Variants in VPS13A observed in about 807,000 individuals in gnomAD.
VPS13A encodes intermembrane lipid transfer protein VPS13A.
A neutral mutation model predicts 390.9 loss-of-function variants in VPS13A; 264 were observed. The observed-to-expected ratio is 0.68, with a 90% CI of 0.61 to 0.75. The LOEUF is 0.75. VPS13A is among the 30% of genes least tolerant of loss of function. VPS13A has a pLI of 0.00. For synonymous variants in VPS13A, 1,231 were observed against 1,227.1 expected, an observed-to-expected ratio of 1.00 and a Z score of -0.07; for missense variants, 3,409 against 3,733.9, an observed-to-expected ratio of 0.91 and a Z score of 2.27.
intron 31 of VPS13A, among the ~76,000 whole-genome samples, chr9:77,285,000 C>T (rs570527343): frequency 2.8e-4 from 42 of 152,002 alleles, no homozygotes; most frequent in Non-Finnish European, 5.9e-4. Flanking sequence ...CCACTGTGCC[C>T]GGCCTGTAAT....
chr9:77,249,725 C>T (rs1039002272), intron 20 of VPS13A, among the ~76,000 whole-genome samples: 1 of 152,164 alleles, frequency 6.6e-6, no homozygotes, highest in Non-Finnish European at 1.5e-5. Flanking sequence ...TCTTATTGTA[C>T]AGCCATGTCA....
intron 71 of VPS13A, among the ~76,000 whole-genome samples, chr9:77,415,672 GA>G (rs1835142916): frequency 6.6e-6 from 1 of 152,076 alleles, no homozygotes; most frequent in Non-Finnish European, 1.5e-5. Context: ...AGATTGGAAG[GA>G]ATTTTTTTCT....
At chr9:77,263,772 G>A (rs1374570233) in intron 23 of VPS13A, among the ~76,000 whole-genome samples, 1 of 152,052 alleles carries the variant, frequency 6.6e-6, no homozygotes, top group African/African-American at 2.4e-5. Context: ...TGTCAATTTT[G>A]GCTTTTGTTG....
At chr9:77,360,157 AT>A (rs1587656864) in intron 58 of VPS13A, among the ~76,000 whole-genome samples, 1 of 151,830 alleles carries the variant, frequency 6.6e-6, no homozygotes, top group Non-Finnish European at 1.5e-5. Context: ...TTTAGTTTTA[AT>A]TTTTTTCTAA....
At position 77,215,985 on chromosome 9, in the gene VPS13A, C is replaced by G. The variant is rs976922583; in HGVS notation, c.754+1599C>G. 3.9e-5 allele frequency among the ~76,000 whole-genome samples: 6 copies of G among 152,266 alleles called. No homozygotes were observed. In the South Asian group the frequency reaches 1.0e-3, roughly 26 times the overall value. On this transcript the variant is annotated intron_variant, in intron 10 of 71. Transcript: ENST00000360280. ...GCATAAGGCCGGTGCTGAAGAACTC[C>G]GTGCTGGAGGAACCAGACACTGCAG...
intron 1 of VPS13A, among the ~76,000 whole-genome samples, chr9:77,190,787 A>G (rs765220416): frequency 6.6e-6 from 1 of 152,136 alleles, no homozygotes; most frequent in Non-Finnish European, 1.5e-5. Flanking sequence ...AGTTTCTTCC[A>G]GGTTCAATCT....
intron 27 of VPS13A, among the ~76,000 whole-genome samples, chr9:77,281,378 A>G (rs1399096200): frequency 3.9e-5 from 6 of 152,204 alleles, no homozygotes; most frequent in Non-Finnish European, 5.9e-5. Context: ...TTGTGTACAT[A>G]TATCAAAACA....
chr9:77,307,821 G>GT, intron 34 of VPS13A, 124 bp from the exon 35 acceptor site: 1 of 773,344 alleles, frequency 1.3e-6, no homozygotes, highest in South Asian at 1.8e-5. Context: ...TTGTAAAAAT[G>GT]TTTAATTGGT....
intron 48 of VPS13A, 106 bp downstream of exon 48, chr9:77,340,017 T>A (rs1830730242): frequency 2.1e-6 from 3 of 1,454,194 alleles, no homozygotes; most frequent in Non-Finnish European, 2.8e-6. Flanking sequence ...AGAAATAACT[T>A]GTTAAATATT....
Position 77,356,741 on chromosome 9 carries a change from C to T in VPS13A, c.7680C>T (p.Pro2560=), listed in dbSNP as rs747966728. The T allele has an allele frequency of 6.2e-7, 1 of 1,613,026 alleles. No homozygotes were observed. Among genetic ancestry groups the T allele is most frequent in the South Asian group, 1.1e-5 (1 of 90,944 alleles). Residue 2560 remains proline (P), a synonymous_variant, in exon 55 of 72, where the codon CCC becomes CCT. Transcript: ENST00000360280. ...CTGATGTGGTTTGGGAAACAAAGCC[C>T]AAGAAGAAGGCAAGATGGAAGCCAA... The part of the protein sequence containing the change: ...TSSDVVWETK[P]KKKARWKPMS...
chr9:77,188,554 G>A (rs1284294558), intron 1 of VPS13A, among the ~76,000 whole-genome samples: 1 of 152,176 alleles, frequency 6.6e-6, no homozygotes. Context: ...CTTTGCTATT[G>A]TGAAGTGGTG....
rs1824272317 is a variant in VPS13A, at chr9:77,238,317, G to T, written c.1831G>T (p.Val611Leu). 6.2e-7 allele frequency: 1 copy of T among 1,613,952 alleles called. No individual in the cohort carries two copies. The highest frequency in any genetic ancestry group is 1.1e-5 in the South Asian group (1 of 91,074). ...GGAATTCTTCAGACCTCCAAAAGAGGTACATCTAGCACAGCTCACTGCAGC... is the reference window on the plus strand; with the variant it reads ...GGAATTCTTCAGACCTCCAAAAGAGTTACATCTAGCACAGCTCACTGCAGC... The part of the protein sequence containing the change: ...IVEFFRPPKE[V>L]HLAQLTAATL... Residue 611 changes from valine to leucine, a missense_variant, in exon 19 of 72, where the codon GTA becomes TTA. Coordinates refer to ENST00000360280, the MANE Select transcript of VPS13A (RefSeq NM_033305.3).
chr9:77,293,246 T>C (rs1160062256), intron 31 of VPS13A, 95 bp from the exon 32 acceptor site: 3 of 1,154,782 alleles, frequency 2.6e-6, no homozygotes, highest in African/African-American at 1.6e-5. Context: ...GGAGATTTTC[T>C]AACTATGTTT....
intron 31 of VPS13A, among the ~76,000 whole-genome samples, chr9:77,288,097 A>T (rs1383909670): frequency 1.3e-5 from 2 of 152,090 alleles, no homozygotes; most frequent in Non-Finnish European, 2.9e-5. Context: ...GTAGTTTTGC[A>T]GTTTCCAAAG....
Position 77,313,335 on chromosome 9 carries a change from C to CT in VPS13A, c.4115-656dup, listed in dbSNP as rs1829202977. ...TTCAGTATCTTAATTGAAGTAGTGA[C>CT]TATGTGGAAATATACACTTATCAAA... On this transcript the variant is annotated intron_variant, in intron 35 of 71. Transcript: ENST00000360280. Among the ~76,000 whole-genome samples the CT allele has an allele frequency of 7.9e-5, 12 of 152,190 alleles. No individual in the cohort carries two copies. In the South Asian group the frequency reaches 2.5e-3, roughly 32 times the overall value.
Position 77,340,193 on chromosome 9 carries a change from A to G in VPS13A, c.6790A>G (p.Thr2264Ala). The change falls in exon 49 of 72, where the codon ACT (threonine) becomes GCT (alanine). Residue 2264 changes from threonine (T) to alanine (A), a missense_variant. By Grantham distance (58) the Thr-to-Ala change is moderately conservative. This residue lies in a region of VPS13A where 2,717 missense variants were observed against 2,917.4 expected (regional missense o/e 0.93). Coordinates refer to ENST00000360280, the MANE Select transcript of VPS13A (RefSeq NM_033305.3). ...FNNNKVQLMV[T>A]DSELSNQFSI... ...TTTTTCCTAGGTTCAACTTATGGTA[A>G]CTGATAGTGAGTTGTCCAATCAGTT... The G allele has an allele frequency of 6.2e-7, 1 of 1,613,222 alleles. No individual in the cohort carries two copies. Among genetic ancestry groups the G allele is most frequent in the Non-Finnish European group, 8.5e-7 (1 of 1,179,586 alleles).
In VPS13A at chr9:77,416,229, G is replaced by T; in HGVS notation, c.*223G>T. ...ATTTTAATTCTTCAGCAATTACCCG[G>T]TTTTCTAAATTGAATCATGCATCTA... On this transcript the variant is annotated 3_prime_UTR_variant, in exon 72 of 72. Transcript: ENST00000360280. 2.1e-6 allele frequency: 1 copy of T among 467,382 alleles called. No homozygotes were observed. The highest frequency in any genetic ancestry group is 3.9e-6 in the Non-Finnish European group (1 of 256,768). 29.0% of individuals were successfully genotyped at this position (467,382 alleles called of 1,614,324 possible). A position where few individuals can be genotyped will look rare whatever the true frequency, so the allele number is the denominator to read the frequency against.
chr9:77,381,417 A>G (rs1327393917), intron 67 of VPS13A, among the ~76,000 whole-genome samples: 6 of 152,242 alleles, frequency 3.9e-5, no homozygotes, highest in Admixed American at 3.9e-4. Context: ...AATGTGATTT[A>G]TAACATTAAT....
rs1476458013 is a variant in VPS13A at position 77,306,404 on chromosome 9, GTGTGTGTGTT to G, written c.3961-1531_3961-1522del. Among the ~76,000 whole-genome samples, 583 of 140,948 alleles carry G rather than the reference GTGTGTGTGTT, an allele frequency of 4.1e-3. 5 individuals carry two copies. The highest frequency in any genetic ancestry group is 0.015 in the African/African-American group (565 of 36,830). 92.5% of individuals were successfully genotyped at this position (140,948 alleles called of 152,430 possible). A position where few individuals can be genotyped will look rare whatever the true frequency, so the allele number is the denominator to read the frequency against. ...TTCTCCAGAGAGAGAGAGAGAGAGT[GTGTGTGTGTT>G]TGTGTGTGTGTGTGTGTGTGTGTGT... On this transcript the variant is annotated intron_variant, in intron 34 of 71. Coordinates refer to ENST00000360280, the MANE Select transcript of VPS13A (RefSeq NM_033305.3).
Sources: gnomAD v4.1 joint callset for allele counts (sites outside exome capture counted in the v4.1 genomes callset) on GRCh38, gnomAD v4.1.1 for gene constraint, gnomAD v4.1.1 regional missense constraint, MANE v1.5 for transcripts, NCBI Gene and HGNC (gene_info 2026-07-23, HGNC 2026-07-21) for gene names.